The following RIMS2 variants were observed in gnomAD, a reference collection of about 807,000 sequenced individuals.
RIMS2 encodes the protein regulating synaptic membrane exocytosis protein 2.
In RIMS2, 59 loss-of-function variants were observed where a neutral mutation model predicts 174.4. The observed-to-expected ratio is 0.34, with a 90% confidence interval of 0.27 to 0.42. RIMS2 has a LOEUF of 0.42. Among genes scored for constraint, RIMS2 ranks in the 10% least tolerant of loss-of-function variants. The pLI is 1.00. For synonymous variants in RIMS2, 606 were observed against 572.5 expected (o/e 1.06, Z -0.84); for missense variants, 1,620 against 1,666.3 (o/e 0.97, Z 0.48).
chr8:104,021,793 ACAGTGGTACTG>A (rs376236582), intron 19 of RIMS2, among the ~76,000 whole-genome samples: 1,626 of 152,326 alleles, frequency 0.011, 9 homozygotes, highest in Middle Eastern at 0.024. Context: ...GTTCATTAAG[ACAGTGGTACTG>A]CAGGCAGAAT....
At chr8:103,562,205 C>G (rs930771051) in intron 1 of RIMS2, among the ~76,000 whole-genome samples, 5 of 152,192 alleles carry the variant, frequency 3.3e-5, no homozygotes, top group African/African-American at 1.2e-4. Flanking sequence ...AGTCTTAACT[C>G]ATTTCAGCAT....
At chr8:103,986,294 C>T (rs2094356607) in intron 16 of RIMS2, among the ~76,000 whole-genome samples, 1 of 151,700 alleles carries the variant, frequency 6.6e-6, no homozygotes, top group African/African-American at 2.4e-5. Flanking sequence ...GGAGAAAGTC[C>T]TGAAAAAATG....
intron 1 of RIMS2, among the ~76,000 whole-genome samples, chr8:103,583,079 G>T (rs969925129): frequency 6.6e-6 from 1 of 152,206 alleles, no homozygotes; most frequent in African/African-American, 2.4e-5. Context: ...GCTTTAGGTG[G>T]CTCAGAACAC....
chr8:103,984,352 A>T (rs1049879773), intron 16 of RIMS2, among the ~76,000 whole-genome samples: 2 of 152,202 alleles, frequency 1.3e-5, no homozygotes, highest in Non-Finnish European at 2.9e-5. Context: ...AAACAACTGT[A>T]TAGGAAAAAA....
chr8:104,241,362 T>G (rs745362860), intron 19 of RIMS2, among the ~76,000 whole-genome samples: 75 of 152,198 alleles, frequency 4.9e-4, no homozygotes, highest in Non-Finnish European at 9.4e-4. Flanking sequence ...AGCATTGTTA[T>G]GAAGGGGATA....
chr8:104,210,263 C>A (rs2099099578), intron 19 of RIMS2, among the ~76,000 whole-genome samples: 2 of 152,090 alleles, frequency 1.3e-5, no homozygotes, highest in Non-Finnish European at 2.9e-5. Context: ...ACAGCTAGAA[C>A]CAATTTCTGG....
chr8:104,221,070 G>A (rs1295382939), intron 19 of RIMS2, among the ~76,000 whole-genome samples: 5 of 152,042 alleles, frequency 3.3e-5, no homozygotes, highest in African/African-American at 7.2e-5. Context: ...CCATTTCTCC[G>A]AGTATAATTA....
chr8:103,788,852 G>A (rs1022344243), intron 3 of RIMS2, among the ~76,000 whole-genome samples: 6 of 152,186 alleles, frequency 3.9e-5, no homozygotes, highest in African/African-American at 9.6e-5. Flanking sequence ...GGGCAATGGC[G>A]GGCGCCCCTC....
intron 1 of RIMS2, among the ~76,000 whole-genome samples, chr8:103,553,373 A>T (rs1177485264): frequency 2.6e-5 from 4 of 151,832 alleles, no homozygotes; most frequent in Non-Finnish European, 5.9e-5. Flanking sequence ...GCATGTTCTC[A>T]CTCATAGGTG....
chr8:103,861,351 T>G (rs890194095), intron 3 of RIMS2, among the ~76,000 whole-genome samples: 5 of 152,188 alleles, frequency 3.3e-5, no homozygotes, highest in African/African-American at 1.2e-4. Context: ...GTTGTATATA[T>G]ACACCACATT....
intron 1 of RIMS2, among the ~76,000 whole-genome samples, chr8:103,536,351 G>T (rs1055240230): frequency 5.3e-5 from 8 of 152,210 alleles, no homozygotes; most frequent in Admixed American, 3.3e-4. Flanking sequence ...ATGGACCTAA[G>T]AACAAGCAGT....
chr8:103,858,817 G>T (rs1343612970), intron 3 of RIMS2, among the ~76,000 whole-genome samples: 1 of 151,652 alleles, frequency 6.6e-6, no homozygotes, highest in Non-Finnish European at 1.5e-5. Flanking sequence ...TTATACTGGA[G>T]TAGAACTAGA....
intron 1 of RIMS2, among the ~76,000 whole-genome samples, chr8:103,575,170 T>C (rs578005948): frequency 6.6e-6 from 1 of 152,272 alleles, no homozygotes; most frequent in South Asian, 2.1e-4. Context: ...CTTATATAAA[T>C]GTCCATTGAA....
At chr8:103,706,622 C>T (rs2137724721) in intron 2 of RIMS2, among the ~76,000 whole-genome samples, 1 of 152,216 alleles carries the variant, frequency 6.6e-6, no homozygotes, top group Non-Finnish European at 1.5e-5. Flanking sequence ...ACCTCACTTC[C>T]TCTTGGCTGC....
At chr8:103,530,650 A>T (rs1836597408) in intron 1 of RIMS2, among the ~76,000 whole-genome samples, 1 of 152,314 alleles carries the variant, frequency 6.6e-6, no homozygotes, top group South Asian at 2.1e-4. Flanking sequence ...TAAAGCAAAA[A>T]TATCACTAGA....
At chr8:103,610,203 G>A (rs776347506) in intron 1 of RIMS2, among the ~76,000 whole-genome samples, 2 of 152,166 alleles carry the variant, frequency 1.3e-5, no homozygotes, top group Non-Finnish European at 1.5e-5. Flanking sequence ...CCTTGCTGAA[G>A]TTGTTTATCA....
At chr8:103,928,007 G>A (rs1565361224) in intron 11 of RIMS2, 4 of 724,146 alleles carry the variant, frequency 5.5e-6, no homozygotes, top group Non-Finnish European at 9.0e-6. Flanking sequence ...TCATATTATT[G>A]ACTTTCAAAT....
chr8:103,609,853 T>G (rs912749581), intron 1 of RIMS2, among the ~76,000 whole-genome samples: 2 of 152,232 alleles, frequency 1.3e-5, no homozygotes, highest in African/African-American at 4.8e-5. Context: ...ATAGTTTTTT[T>G]CTAATTCTGT....
At chr8:103,898,094 C>A (rs2099300754) in intron 4 of RIMS2, among the ~76,000 whole-genome samples, 1 of 151,644 alleles carries the variant, frequency 6.6e-6, no homozygotes, top group Non-Finnish European at 1.5e-5. Flanking sequence ...TCTGACCATT[C>A]CCATGACCAC....
Sources: gnomAD v4.1 joint callset for allele counts (sites outside exome capture counted in the v4.1 genomes callset) on GRCh38, gnomAD v4.1.1 for gene constraint, MANE v1.5 for transcripts, NCBI Gene and HGNC (gene_info 2026-07-23, HGNC 2026-07-21) for gene names.